The following NPEPPS variants were observed in gnomAD, a reference collection of about 807,000 sequenced individuals.
NPEPPS encodes puromycin-sensitive aminopeptidase.
In NPEPPS, 14 loss-of-function variants were observed where a neutral mutation model predicts 115.5. That is an observed-to-expected ratio of 0.12 (90% CI 0.08 to 0.19). The LOEUF is 0.19. Ranked by LOEUF, NPEPPS falls within the 10% of genes least tolerant of loss-of-function variation. The probability of loss-of-function intolerance (pLI) is 1.00; values close to 1 mark genes in which losing one functional copy is unlikely to be tolerated. For synonymous variants in NPEPPS, 285 were observed against 390.6 expected (o/e 0.73, Z 3.19); for missense variants, 523 against 1,110.8 (o/e 0.47, Z 7.52).
intron 9 of NPEPPS, among the ~76,000 whole-genome samples, chr17:47,588,914 T>A (rs1419361496): frequency 6.6e-6 from 1 of 152,186 alleles, no homozygotes; most frequent in African/African-American, 2.4e-5. Context: ...TATCACTTAA[T>A]ATCAAAATAA....
At chr17:47,586,454 G>C in intron 8 of NPEPPS, 56 bp downstream of exon 8, 1 of 1,319,960 alleles carries the variant, frequency 7.6e-7, no homozygotes, top group Non-Finnish European at 1.0e-6. Context: ...ATTTCAAAAG[G>C]GCTTCCCTCC....
chr17:47,585,491 T>C lies in NPEPPS; in HGVS notation c.649-9T>C, dbSNP rs759294325. On this transcript the variant is annotated splice_polypyrimidine_tract_variant and intron_variant, in intron 5 of 22. Coordinates refer to ENST00000322157, the MANE Select transcript of NPEPPS (RefSeq NM_006310.4). The stretch of plus-strand genomic sequence containing the variant: ...CTATTTAAATTTTTCTTTTTTTTAT[T>C]TCTTAAAGAATGTAATTGACCGGAA... 13 of 1,607,072 alleles carry C rather than the reference T, an allele frequency of 8.1e-6. No individual in the cohort carries two copies. The South Asian group carries it at 1.4e-4, about 18-fold the overall frequency.
upstream of NPEPPS, among the ~76,000 whole-genome samples, chr17:47,526,932 T>C (rs1907460134): frequency 6.6e-6 from 1 of 152,134 alleles, no homozygotes; most frequent in East Asian, 1.9e-4. Flanking sequence ...CATTCCAGCC[T>C]GGGCGGCAGA....
Position 47,623,071 on chromosome 17 carries a change from CCTT to C in NPEPPS, c.*1158_*1160del, listed in dbSNP as rs1334495049. On this transcript the variant is annotated 3_prime_UTR_variant, in exon 23 of 23. Coordinates refer to ENST00000322157, the MANE Select transcript of NPEPPS (RefSeq NM_006310.4). ...TGAGTTTTAAATCTAAATCTCATTCCCTTCTTCTTTCCCTACCTTTTTTTTCTT... is the reference window on the plus strand; with the variant it reads ...TGAGTTTTAAATCTAAATCTCATTCCCTTCTTTCCCTACCTTTTTTTTCTT... 4.5e-5 allele frequency: 13 copies of C among 285,888 alleles called. No individual in the cohort carries two copies. The highest frequency in any genetic ancestry group is 2.6e-4 in the South Asian group (9 of 34,326). 17.7% of individuals were successfully genotyped at this position (285,888 alleles called of 1,614,324 possible).
At chr17:47,529,059 TA>T (rs1907549316), upstream of NPEPPS, among the ~76,000 whole-genome samples, 1 of 152,242 alleles carries the variant, frequency 6.6e-6, no homozygotes, top group Non-Finnish European at 1.5e-5. Context: ...CTATAAGATT[TA>T]ATACTACCTA....
At position 47,605,470 on chromosome 17, in the gene NPEPPS, C is replaced by T; in HGVS notation, c.2013C>T (p.Phe671=). 6.2e-7 allele frequency: 1 copy of T among 1,607,892 alleles called. No individual in the cohort carries two copies. The highest frequency in any genetic ancestry group is 1.1e-5 in the South Asian group (1 of 89,680). ...CAACTCTCTTGTCCCACACAGACTT[C>T]TATGAGGAAATCCAGGAGTTTGTGA... The part of the protein sequence containing the change: ...ILSTLLSHTD[F]YEEIQEFVKD... The change falls in exon 17 of 23, where the codon TTC becomes TTT. Residue 671 remains phenylalanine, a synonymous_variant. Coordinates refer to ENST00000322157, the MANE Select transcript of NPEPPS (RefSeq NM_006310.4).
At chr17:47,537,998 G>A (rs1341279150) in intron 1 of NPEPPS, among the ~76,000 whole-genome samples, 4 of 149,880 alleles carry the variant, frequency 2.7e-5, no homozygotes, top group African/African-American at 7.4e-5. Context: ...GGTTCAGGCA[G>A]TTCTCCTGCT....
chr17:47,584,261 T>G (rs1197535611), intron 5 of NPEPPS, among the ~76,000 whole-genome samples: 1 of 151,608 alleles, frequency 6.6e-6, no homozygotes, highest in Non-Finnish European at 1.5e-5. Context: ...AGCAAGACCC[T>G]GTCTCTTATG....
chr17:47,538,521 GTTTTC>G (rs1176191247), intron 1 of NPEPPS, among the ~76,000 whole-genome samples: 1 of 127,614 alleles, frequency 7.8e-6, no homozygotes, highest in African/African-American at 3.0e-5. Context: ...GTCCATATCT[GTTTTC>G]TTTTTTTTTT....
chr17:47,556,392 G>C (rs942040797), intron 2 of NPEPPS, among the ~76,000 whole-genome samples: 2 of 152,094 alleles, frequency 1.3e-5, no homozygotes, highest in African/African-American at 2.4e-5. Context: ...AGAGCACCGG[G>C]TTGGGGGTAA....
At chr17:47,582,181 A>C (rs1911921019) in intron 4 of NPEPPS, 1 of 153,514 alleles carries the variant, frequency 6.5e-6, no homozygotes, top group African/African-American at 2.4e-5. Context: ...GGACTCAAGT[A>C]GGTCAAGTGG....
chr17:47,619,297 T>A, intron 21 of NPEPPS, 133 bp downstream of exon 21: 1 of 884,008 alleles, frequency 1.1e-6, no homozygotes, highest in Non-Finnish European at 1.8e-6. Context: ...CTCACGCCTG[T>A]AATACCAGCA....
Position 47,536,388 on chromosome 17 carries a change from CTTT to C in NPEPPS, c.255+4852_255+4854del, listed in dbSNP as rs749380530. Among the ~76,000 whole-genome samples, 47 of 69,928 alleles carry C rather than the reference CTTT, an allele frequency of 6.7e-4. No homozygotes were observed. In the South Asian group the frequency reaches 0.018, roughly 27 times the overall value. 45.9% of individuals were successfully genotyped at this position (69,928 alleles called of 152,430 possible). On this transcript the variant is annotated intron_variant, in intron 1 of 22. Coordinates refer to ENST00000322157, the MANE Select transcript of NPEPPS (RefSeq NM_006310.4). ...TGCCCAAATTCTGCATATTTTCTCT[CTTT>C]TTTTTTTTTTTTTTTTTTGAGATGG...
chr17:47,539,615 G>T (rs989452462), intron 1 of NPEPPS, among the ~76,000 whole-genome samples: 11 of 152,012 alleles, frequency 7.2e-5, no homozygotes, highest in African/African-American at 2.7e-4. Context: ...CTTTCTTCAG[G>T]TAGGTGCGTA....
intron 19 of NPEPPS, among the ~76,000 whole-genome samples, chr17:47,617,226 CTCTG>C (rs1261636419): frequency 4.6e-5 from 7 of 152,078 alleles, no homozygotes; most frequent in Non-Finnish European, 7.4e-5. Flanking sequence ...CTTTATGCTT[CTCTG>C]TCTTTCAGAT....
intron 2 of NPEPPS, among the ~76,000 whole-genome samples, chr17:47,557,182 G>A (rs1370593979): frequency 1.3e-4 from 20 of 151,874 alleles, no homozygotes; most frequent in Non-Finnish European, 2.1e-4. Context: ...GGTTTCAAGT[G>A]ATTCTTATGC....
intron 2 of NPEPPS, chr17:47,557,524 A>C (rs1219200142): frequency 6.7e-6 from 1 of 149,450 alleles, no homozygotes; most frequent in Non-Finnish European, 1.5e-5. Flanking sequence ...AAAAAAAAAC[A>C]AAAAACAAAC....
chr17:47,524,031 C>T (rs373795901), intron 1 of NPEPPS, among the ~76,000 whole-genome samples: 5 of 150,822 alleles, frequency 3.3e-5, no homozygotes, highest in Non-Finnish European at 4.4e-5. Flanking sequence ...TTCGGCCGAG[C>T]GCAGTGGCTC....
intron 3 of NPEPPS, among the ~76,000 whole-genome samples, chr17:47,569,960 C>A (rs1473713337): frequency 6.6e-6 from 1 of 152,086 alleles, no homozygotes; most frequent in African/African-American, 2.4e-5. Context: ...AACTTTTGGG[C>A]CACCAGCATT....
Sources: gnomAD v4.1 joint callset for allele counts (sites outside exome capture counted in the v4.1 genomes callset) on GRCh38, gnomAD v4.1.1 for gene constraint, MANE v1.5 for transcripts, NCBI Gene and HGNC (gene_info 2026-07-23, HGNC 2026-07-21) for gene names.